TENM4: variants seen among roughly 807,000 people sequenced by gnomAD.
The protein encoded by TENM4 is teneurin transmembrane protein 4.
Under a neutral mutation model 243.3 loss-of-function variants are expected in TENM4, and 82 were observed. The ratio of observed to expected loss-of-function variants is 0.34; its 90% CI spans 0.28 to 0.40. The LOEUF (loss-of-function observed/expected upper bound fraction) is 0.40. Ranked by LOEUF, TENM4 falls within the 10% of genes least tolerant of loss-of-function variation. The probability of loss-of-function intolerance (pLI) is 1.00; values close to 1 mark genes in which losing one functional copy is unlikely to be tolerated. For missense variants in TENM4, 3,138 were observed against 3,673.3 expected (o/e 0.85, Z 3.77); for synonymous variants, 1,412 against 1,456.3 (o/e 0.97, Z 0.69).
intron 3 of TENM4, among the ~76,000 whole-genome samples, chr11:79,156,675 T>A (rs1862626105): frequency 6.6e-6 from 1 of 152,160 alleles, no homozygotes; most frequent in Non-Finnish European, 1.5e-5. Context: ...GGTGCAATTG[T>A]CCCCTTTGTG....
At chr11:79,066,735 C>CGCACACGCAT (rs1227508892) in intron 5 of TENM4, among the ~76,000 whole-genome samples, 1 of 149,014 alleles carries the variant, frequency 6.7e-6, no homozygotes, top group Non-Finnish European at 1.5e-5. Context: ...CACACGCGCA[C>CGCACACGCAT]GCACATGCAC....
At chr11:78,668,724 G>A (rs1858226567) in intron 32 of TENM4, among the ~76,000 whole-genome samples, 1 of 152,132 alleles carries the variant, frequency 6.6e-6, no homozygotes. Context: ...TAATAATGGT[G>A]GTGACCCTGA....
chr11:79,145,989 G>A (rs1207546746), intron 4 of TENM4, among the ~76,000 whole-genome samples: 2 of 151,900 alleles, frequency 1.3e-5, no homozygotes, highest in East Asian at 3.9e-4. Flanking sequence ...ATTTATAGGA[G>A]TTTCTTCTTT....
At chr11:79,243,252 T>C (rs1444285798) in intron 2 of TENM4, among the ~76,000 whole-genome samples, 1 of 152,056 alleles carries the variant, frequency 6.6e-6, no homozygotes, top group African/African-American at 2.4e-5. Context: ...TTTCAGTCAT[T>C]TATCAGACTC....
At chr11:79,196,965 GGC>G in intron 3 of TENM4, among the ~76,000 whole-genome samples, 1 of 152,196 alleles carries the variant, frequency 6.6e-6, no homozygotes. Context: ...TTCAGCAGAT[GGC>G]GCCTGGTCAT....
At chr11:79,136,005 C>A (rs1056386454) in intron 4 of TENM4, among the ~76,000 whole-genome samples, 1 of 151,646 alleles carries the variant, frequency 6.6e-6, no homozygotes, top group Admixed American at 6.6e-5. Flanking sequence ...AAAGGCATAA[C>A]AATGATACAA....
intron 4 of TENM4, among the ~76,000 whole-genome samples, chr11:79,132,345 C>CAAAAAAAAAAAAAAAAAAAAAAAAAA (rs569082783): frequency 1.8e-4 from 9 of 49,952 alleles, no homozygotes; most frequent in African/African-American, 5.5e-4. Context: ...GACTCCAACT[C>CAAAAAAAAAAAAAAAAAAAAAAAAAA]AAAAAAAAAA....
chr11:79,264,655 G>T (rs1183516691), intron 2 of TENM4, among the ~76,000 whole-genome samples: 5 of 152,142 alleles, frequency 3.3e-5, no homozygotes, highest in Non-Finnish European at 7.4e-5. Flanking sequence ...CAAAATCTCT[G>T]GGCCGTGGTT....
chr11:78,841,313 C>T (rs1407987225), intron 12 of TENM4, among the ~76,000 whole-genome samples: 2 of 152,222 alleles, frequency 1.3e-5, no homozygotes, highest in South Asian at 2.1e-4. Context: ...CTAAGCCACA[C>T]TGCCTCTCTT....
chr11:78,904,046 A>C (rs1028553172), intron 6 of TENM4, among the ~76,000 whole-genome samples: 1 of 152,050 alleles, frequency 6.6e-6, no homozygotes, highest in Admixed American at 6.6e-5. Context: ...TACACAGTAA[A>C]CGAAACAAAC....
chr11:79,131,793 C>A (rs1321367769), intron 4 of TENM4, among the ~76,000 whole-genome samples: 2 of 152,098 alleles, frequency 1.3e-5, no homozygotes, highest in Admixed American at 1.3e-4. Context: ...GCCTTCAGTC[C>A]TTACCTAGCA....
intron 2 of TENM4, among the ~76,000 whole-genome samples, chr11:79,256,542 C>A (rs888493665): frequency 2.0e-5 from 3 of 152,206 alleles, no homozygotes; most frequent in Non-Finnish European, 4.4e-5. Flanking sequence ...GAAACCAAAG[C>A]AATCAGTGAG....
At chr11:79,237,058 T>C (rs575782788) in intron 2 of TENM4, among the ~76,000 whole-genome samples, 1 of 152,328 alleles carries the variant, frequency 6.6e-6, no homozygotes, top group South Asian at 2.1e-4. Context: ...GCAGGCCATC[T>C]AATATCCTGT....
At position 78,804,351 on chromosome 11, in the gene TENM4, T is replaced by A. The variant is rs550638380; in HGVS notation, c.2179+941A>T. Among the ~76,000 whole-genome samples, 192 of 152,330 alleles carry A rather than the reference T, an allele frequency of 1.3e-3. 1 individual carries two copies. Among genetic ancestry groups the A allele is most frequent in the African/African-American group, 4.4e-3 (182 of 41,558 alleles). On this transcript the variant is annotated intron_variant, in intron 15 of 33. Transcript: ENST00000278550. ...GCTCTTTGGTCTCCATCCTCTCTGA[T>A]TAGAAGAGTGCCTGGTATACTGTAG...
chr11:78,820,332 G>A (rs1174454015), intron 12 of TENM4, among the ~76,000 whole-genome samples: 1 of 152,224 alleles, frequency 6.6e-6, no homozygotes, highest in Non-Finnish European at 1.5e-5. Context: ...GCTGATAGGG[G>A]AAAATCTGGT....
intron 2 of TENM4, among the ~76,000 whole-genome samples, chr11:79,218,658 T>A (rs4945334): frequency 4.0e-5 from 6 of 151,838 alleles, no homozygotes; most frequent in Non-Finnish European, 4.4e-5. Flanking sequence ...TTGCCAAGGC[T>A]TCAGGGAAAA....
chr11:78,779,152 G>A (rs1274346203), intron 16 of TENM4, among the ~76,000 whole-genome samples: 1 of 152,204 alleles, frequency 6.6e-6, no homozygotes, highest in African/African-American at 2.4e-5. Flanking sequence ...ACTAGTGAAG[G>A]GGGTTGAGTC....
At chr11:79,026,583 T>A (rs1043246110) in intron 6 of TENM4, among the ~76,000 whole-genome samples, 1 of 152,232 alleles carries the variant, frequency 6.6e-6, no homozygotes, top group Non-Finnish European at 1.5e-5. Flanking sequence ...TTAGAAGTAG[T>A]ACTTTTAGTG....
intron 1 of TENM4, among the ~76,000 whole-genome samples, chr11:79,310,815 G>T (rs1856706972): frequency 6.6e-6 from 1 of 152,170 alleles, no homozygotes; most frequent in Non-Finnish European, 1.5e-5. Context: ...TGATTATGGG[G>T]GATGGCTGAT....
Sources: gnomAD v4.1 joint callset for allele counts (sites outside exome capture counted in the v4.1 genomes callset) on GRCh38, gnomAD v4.1.1 for gene constraint, MANE v1.5 for transcripts, NCBI Gene and HGNC (gene_info 2026-07-23, HGNC 2026-07-21) for gene names.